Variants in TIMMDC1 observed in about 807,000 individuals in gnomAD.
TIMMDC1 encodes the protein complex I assembly factor TIMMDC1, mitochondrial.
A neutral mutation model predicts 32.6 loss-of-function variants in TIMMDC1; 25 were observed. The ratio of observed to expected loss-of-function variants is 0.77; its 90% CI spans 0.56 to 1.07. TIMMDC1 has a LOEUF of 1.07. Ranked by LOEUF, TIMMDC1 falls within the 50% of genes least tolerant of loss-of-function variation. TIMMDC1 has a pLI of 0.00. For missense variants in TIMMDC1, 329 were observed against 349.2 expected (o/e 0.94, Z 0.46); for synonymous variants, 130 against 127.6 (o/e 1.02, Z -0.13).
chr3:119,515,379 A>G (rs1186269109), intron 5 of TIMMDC1, among the ~76,000 whole-genome samples: 2 of 152,136 alleles, frequency 1.3e-5, no homozygotes, highest in Non-Finnish European at 2.9e-5. Context: ...GCTACAGCAC[A>G]TTAACCCCTT....
At chr3:119,502,260 C>G (rs368164873) in intron 2 of TIMMDC1, among the ~76,000 whole-genome samples, 18 of 152,012 alleles carry the variant, frequency 1.2e-4, no homozygotes, top group African/African-American at 4.3e-4. Flanking sequence ...GACAGGGTCT[C>G]ACTCTGTTGC....
intron 4 of TIMMDC1, among the ~76,000 whole-genome samples, chr3:119,508,779 C>A (rs984666668): frequency 6.6e-6 from 1 of 152,218 alleles, no homozygotes; most frequent in African/African-American, 2.4e-5. Context: ...TGTAATAAAC[C>A]TTTTGGTATC....
At chr3:119,514,360 G>A (rs1192550104) in intron 5 of TIMMDC1, among the ~76,000 whole-genome samples, 1 of 152,112 alleles carries the variant, frequency 6.6e-6, no homozygotes, top group Admixed American at 6.5e-5. Flanking sequence ...TGGCTAAACT[G>A]TTTGAGACCT....
chr3:119,514,113 C>T (rs1560048604), intron 5 of TIMMDC1, among the ~76,000 whole-genome samples: 1 of 142,530 alleles, frequency 7.0e-6, no homozygotes, highest in Non-Finnish European at 1.5e-5. Context: ...CAAGCATATT[C>T]TGTAAAAATT....
At chr3:119,518,714 G>A (rs961648617) in intron 6 of TIMMDC1, among the ~76,000 whole-genome samples, 2 of 152,294 alleles carry the variant, frequency 1.3e-5, no homozygotes, top group African/African-American at 4.8e-5. Context: ...TGGCAACCCT[G>A]CCAATTCTAG....
rs143481314 is a variant in TIMMDC1, at chr3:119,511,619, T to C, written c.518-2022T>C. On this transcript the variant is annotated intron_variant, in intron 4 of 6. Transcript: ENST00000494664. The stretch of plus-strand genomic sequence containing the variant: ...GAAACACAGTTTTGGCCACATAAAA[T>C]TTTTAAACCTATCTATGTCATAAAT... Among the ~76,000 whole-genome samples, 529 of 152,302 alleles carry C rather than the reference T, an allele frequency of 3.5e-3. 4 individuals are homozygous for C. The highest frequency in any genetic ancestry group is 0.027 in the South Asian group (131 of 4,828).
At chr3:119,515,899 C>T (rs2081982907) in intron 5 of TIMMDC1, among the ~76,000 whole-genome samples, 1 of 152,192 alleles carries the variant, frequency 6.6e-6, no homozygotes, top group South Asian at 2.1e-4. Flanking sequence ...CCTTCGTCCT[C>T]CACCTGTTCA....
intron 6 of TIMMDC1, among the ~76,000 whole-genome samples, chr3:119,519,674 C>T (rs1446615002): frequency 6.6e-6 from 1 of 150,804 alleles, no homozygotes; most frequent in African/African-American, 2.4e-5. Flanking sequence ...CTGGGGACTT[C>T]AACACCACAC....
rs561982597 is a variant in TIMMDC1 at position 119,500,295 on chromosome 3, C to T, written c.195-400C>T. ...CTATTTCTAGGGGTGTAATAGTCAT[C>T]AAAAGCACCTTTTAAAAAACTTTTT... On this transcript the variant is annotated intron_variant, in intron 1 of 6. Transcript: ENST00000494664. The T allele has an allele frequency of 8.4e-5, 13 of 155,034 alleles. No individual in the cohort carries two copies. In the South Asian group the frequency reaches 2.6e-3, roughly 31 times the overall value. The allele number at this position is 155,034 out of a possible 1,614,324, so 9.6% of individuals were successfully genotyped here. A position where few individuals can be genotyped will look rare whatever the true frequency, so the allele number is the denominator to read the frequency against.
intron 4 of TIMMDC1, among the ~76,000 whole-genome samples, chr3:119,508,928 A>G (rs553923900): frequency 6.6e-5 from 10 of 152,330 alleles, no homozygotes; most frequent in Admixed American, 5.2e-4. Flanking sequence ...TTGGAAGGCC[A>G]GGTGTGGTGG....
At chr3:119,502,998 C>T (rs1315499294) in intron 2 of TIMMDC1, among the ~76,000 whole-genome samples, 1 of 152,208 alleles carries the variant, frequency 6.6e-6, no homozygotes, top group Non-Finnish European at 1.5e-5. Flanking sequence ...CTTCCCCCCT[C>T]TATTTACATA....
At chr3:119,520,391 CAAAA>C (rs2082018127) in intron 6 of TIMMDC1, among the ~76,000 whole-genome samples, 1 of 151,650 alleles carries the variant, frequency 6.6e-6, no homozygotes, top group African/African-American at 2.4e-5. Context: ...AGGTAAAAAA[CAAAA>C]AAGGAGACAT....
At position 119,523,724 on chromosome 3, in the gene TIMMDC1, C is replaced by G. The variant is rs892611771; in HGVS notation, c.826C>G (p.Pro276Ala). ...AGCACTGCTAAACCTTCCTAGAAACCCTTCAGTAATAGATAAACAAGACAA... is the reference window on the plus strand; with the variant it reads ...AGCACTGCTAAACCTTCCTAGAAACGCTTCAGTAATAGATAAACAAGACAA... ...IEALLNLPRN[P>A]SVIDKQDKD The change falls in exon 7 of 7, where the codon CCT (proline) becomes GCT (alanine). Residue 276 changes from proline to alanine, a missense_variant. Coordinates refer to ENST00000494664, the MANE Select transcript of TIMMDC1 (RefSeq NM_016589.4). 1.7e-5 allele frequency: 28 copies of G among 1,611,276 alleles called. No homozygotes were observed. Among genetic ancestry groups the G allele is most frequent in the Non-Finnish European group, 2.3e-5 (27 of 1,178,964 alleles).
At chr3:119,516,006 A>G (rs941726396) in intron 5 of TIMMDC1, among the ~76,000 whole-genome samples, 42 of 152,230 alleles carry the variant, frequency 2.8e-4, no homozygotes, top group Non-Finnish European at 4.1e-4. Context: ...GTCATAATCT[A>G]CTGCTGCCAT....
intron 4 of TIMMDC1, 46 bp downstream of exon 4, chr3:119,504,067 T>C: frequency 6.9e-7 from 1 of 1,440,906 alleles, no homozygotes; most frequent in South Asian, 1.2e-5. Flanking sequence ...AAATACAGTT[T>C]AGAAAATGTG....
chr3:119,500,551 T>C, intron 1 of TIMMDC1, 144 bp from the exon 2 acceptor site: 1 of 697,736 alleles, frequency 1.4e-6, no homozygotes, highest in South Asian at 2.4e-5. Flanking sequence ...TTAATATAAC[T>C]GAACTGTTTA....
Position 119,498,843 on chromosome 3 carries a change from A to C in TIMMDC1, c.110A>C (p.Glu37Ala). The change falls in exon 1 of 7, where the codon GAG becomes GCG. Residue 37 changes from glutamate to alanine, a missense_variant. Coordinates refer to ENST00000494664, the MANE Select transcript of TIMMDC1 (RefSeq NM_016589.4). ...ACTGCCGATTCGGAAGTCCTTGAGGAGCGTCAGAAGCGGCTTCCCTACGTC... is the reference window on the plus strand; with the variant it reads ...ACTGCCGATTCGGAAGTCCTTGAGGCGCGTCAGAAGCGGCTTCCCTACGTC... ...AVTADSEVLEERQKRLPYVPE... is the reference protein window; with the variant it reads ...AVTADSEVLEARQKRLPYVPE... 6.2e-7 allele frequency: 1 copy of C among 1,614,094 alleles called. No homozygotes were observed. The highest frequency in any genetic ancestry group is 8.5e-7 in the Non-Finnish European group (1 of 1,180,028).
chr3:119,515,804 A>G (rs935072968), intron 5 of TIMMDC1, among the ~76,000 whole-genome samples: 4 of 152,196 alleles, frequency 2.6e-5, no homozygotes, highest in African/African-American at 9.7e-5. Flanking sequence ...TGGTTACTAG[A>G]AAGGTGGTTG....
intron 2 of TIMMDC1, 55 bp from the exon 3 acceptor site, chr3:119,503,477 A>G (rs2081893882): frequency 1.4e-6 from 2 of 1,416,902 alleles, no homozygotes; most frequent in South Asian, 1.4e-5. Flanking sequence ...GCAGTTCTAG[A>G]ATAAGGAAAA....
Sources: allele counts gnomAD v4.1 joint callset (sites outside exome capture counted in the v4.1 genomes callset), GRCh38; gene constraint gnomAD v4.1.1; transcripts MANE v1.5; gene names NCBI Gene and HGNC (gene_info 2026-07-23, HGNC 2026-07-21).